Variants in RNF213 observed in about 807,000 individuals in gnomAD.
RNF213 encodes E3 ubiquitin-protein ligase RNF213.
Under a neutral mutation model 514.4 loss-of-function variants are expected in RNF213, and 341 were observed. That is an observed-to-expected ratio of 0.66 (90% CI 0.61 to 0.73). The LOEUF is 0.73. RNF213 is among the 30% of genes least tolerant of loss of function. The probability of loss-of-function intolerance (pLI) is 0.00; values close to 1 mark genes in which losing one functional copy is unlikely to be tolerated. For missense variants in RNF213, 5,767 were observed against 6,615.6 expected (o/e 0.87, Z 4.45); for synonymous variants, 2,655 against 2,658.2 (o/e 1.00, Z 0.04).
rs2045474979 is a variant in RNF213, at chr17:80,309,079, A to G, written c.2563A>G (p.Ile855Val). 3 of 1,614,196 alleles carry G rather than the reference A, an allele frequency of 1.9e-6. No individual in the cohort carries two copies. The highest frequency in any genetic ancestry group is 2.5e-6 in the Non-Finnish European group (3 of 1,180,030). ...LTVCLKLHEA[I>V]CSSTKLLKFY... ...TGTGTGTCTGAAACTGCATGAAGCC[A>G]TCTGCAGCAGCACAAAGCTACTTAA... The change falls in exon 14 of 68, where the codon ATC becomes GTC. Residue 855 changes from isoleucine to valine, a missense_variant. Ile to Val is a conservative substitution (Grantham distance 29). Around this residue, in one of 13 missense-constraint regions of RNF213, gnomAD observed 592 missense variants for 673.9 expected, o/e 0.88. Transcript: ENST00000582970.
intron 52 of RNF213, 41 bp downstream of exon 52, chr17:80,376,584 C>G: frequency 1.9e-6 from 3 of 1,612,542 alleles, no homozygotes; most frequent in Non-Finnish European, 2.5e-6. Context: ...CACTGGAACA[C>G]CCCCCAGAGC....
intron 8 of RNF213, among the ~76,000 whole-genome samples, chr17:80,294,037 G>C (rs2044844548): frequency 1.3e-5 from 2 of 152,200 alleles, no homozygotes; most frequent in South Asian, 4.1e-4. Context: ...TCCCATTTCT[G>C]CCTGATTTTT....
chr17:80,347,766 C>T lies in RNF213; in HGVS notation c.9431C>T (p.Pro3144Leu). ...CACCGCGTCAAATGTCGGGTTCACC[C>T]CAACTTCCGCCTGATTGTCATTGAA... ...GTHRVKCRVH[P>L]NFRLIVIEEK... is the part of the protein sequence containing the mutation. The change falls in exon 29 of 68, where the codon CCC becomes CTC. Residue 3144 changes from proline (P) to leucine (L), a missense_variant. Transcript: ENST00000582970. This position sits in a 1 kb window ranked among gnomAD's most constrained non-coding sequence, Gnocchi z 7.2. The T allele has an allele frequency of 6.2e-7, 1 of 1,614,182 alleles. No individual in the cohort carries two copies. Among genetic ancestry groups the T allele is most frequent in the Non-Finnish European group, 8.5e-7 (1 of 1,180,048 alleles).
intron 67 of RNF213, among the ~76,000 whole-genome samples, chr17:80,392,988 CTTTT>C (rs138848873): frequency 6.7e-6 from 1 of 148,532 alleles, no homozygotes; most frequent in Non-Finnish European, 1.5e-5. Flanking sequence ...ATATGGGAGC[CTTTT>C]TTTTTGAGAC....
chr17:80,358,548 C>T (rs565655016), intron 37 of RNF213, 69 bp downstream of exon 37: 1 of 1,422,672 alleles, frequency 7.0e-7, no homozygotes, highest in Admixed American at 1.7e-5. Context: ...AATATGCTCT[C>T]CCAAGTGCTG....
chr17:80,380,890 T>C lies in RNF213; in HGVS notation c.13700T>C (p.Val4567Ala). ...CTGGGCAACCCGCAGCGGAGAGACG[T>C]GGTGACATGTGACCGAGGGCTGCCC... Reference protein sequence around the residue: ...HVLGNPQRRDVVTCDRGLPPV... With the variant: ...HVLGNPQRRDAVTCDRGLPPV... Residue 4567 changes from valine (V) to alanine (A), a missense_variant, in exon 56 of 68, where the codon GTG becomes GCG. By Grantham distance (64) the Val-to-Ala change is moderately conservative (BLOSUM62 0). Transcript: ENST00000582970. The C allele has an allele frequency of 6.2e-7, 1 of 1,614,160 alleles. No individual in the cohort carries two copies. Among genetic ancestry groups the C allele is most frequent in the Non-Finnish European group, 8.5e-7 (1 of 1,180,030 alleles).
At chr17:80,388,952 C>T in intron 64 of RNF213, 4 of 622,066 alleles carry the variant, frequency 6.4e-6, no homozygotes, top group South Asian at 3.8e-5. Context: ...TCCATGGAAC[C>T]GATTTGTTCC....
intron 10 of RNF213, 82 bp downstream of exon 10, chr17:80,295,895 G>A: frequency 6.7e-7 from 1 of 1,497,132 alleles, no homozygotes. Flanking sequence ...CTTGACTAGA[G>A]TGACTGAAAG....
At chr17:80,369,030 T>G (rs948688918) in intron 44 of RNF213, among the ~76,000 whole-genome samples, 1 of 152,140 alleles carries the variant, frequency 6.6e-6, no homozygotes, top group Non-Finnish European at 1.5e-5. Flanking sequence ...AAGGGATGCA[T>G]GTAAATATCA....
rs2079341304 is a variant in RNF213 at position 80,367,819 on chromosome 17, C to T, written c.11943C>T (p.Cys3981=). 1.9e-6 allele frequency: 3 copies of T among 1,614,200 alleles called. No homozygotes were observed. Among genetic ancestry groups the T allele is most frequent in the Non-Finnish European group, 2.5e-6 (3 of 1,180,014 alleles). ...CCGTGATGCGCACTCTCTGTGAATG[C>T]AAGGAGACAGCCAGCAAGACCCTCA... ...FEAVMRTLCE[C]KETASKTLSR... The change falls in exon 43 of 68, where the codon TGC becomes TGT. Residue 3981 remains cysteine (C), a synonymous_variant. Coordinates refer to ENST00000582970, the MANE Select transcript of RNF213 (RefSeq NM_001256071.3).
At chr17:80,299,825 G>C (rs138216615) in intron 11 of RNF213, among the ~76,000 whole-genome samples, 20 of 152,010 alleles carry the variant, frequency 1.3e-4, no homozygotes, top group Non-Finnish European at 2.2e-4. Flanking sequence ...TTTGGTTCTC[G>C]TTCCTGAGTT....
intron 44 of RNF213, among the ~76,000 whole-genome samples, chr17:80,368,436 T>TG (rs1415862339): frequency 6.6e-6 from 1 of 150,524 alleles, no homozygotes; most frequent in African/African-American, 2.4e-5. Context: ...CGCCAGTGTT[T>TG]TTTTTTTTTT....
Position 80,263,496 on chromosome 17 carries a change from G to T in RNF213, c.-108-78G>T. On this transcript the variant is annotated intron_variant, in intron 1 of 67. Coordinates refer to ENST00000582970, the MANE Select transcript of RNF213 (RefSeq NM_001256071.3). This position sits in a 1 kb window ranked among gnomAD's most constrained non-coding sequence, Gnocchi z 4.9. ...AGGGGGCAGCACAGAGCGGGGAGGGGCTGGGCTTGGGCTGTGCTCCTGTTG... is the reference window on the plus strand; with the variant it reads ...AGGGGGCAGCACAGAGCGGGGAGGGTCTGGGCTTGGGCTGTGCTCCTGTTG... 1.6e-6 allele frequency: 1 copy of T among 635,720 alleles called. No homozygotes were observed. Among genetic ancestry groups the T allele is most frequent in the Non-Finnish European group, 2.9e-6 (1 of 345,896 alleles). 39.4% of individuals were successfully genotyped at this position (635,720 alleles called of 1,614,324 possible). A position where few individuals can be genotyped will look rare whatever the true frequency, so the allele number is the denominator to read the frequency against.
At position 80,344,011 on chromosome 17, in the gene RNF213, C is replaced by T. The variant is rs779022215; in HGVS notation, c.6338C>T (p.Ala2113Val). Reference protein sequence around the residue: ...RTSVPSRSSSALRTRVPQFSF... With the variant: ...RTSVPSRSSSVLRTRVPQFSF... ...TCAGTGCCGTCGAGGAGCTCTTCAG[C>T]GCTGGTCTGTACTGTGGGGCGTTTT... Residue 2113 changes from alanine (A) to valine (V), a missense_variant, in exon 28 of 68, where the codon GCG becomes GTG. Coordinates refer to ENST00000582970, the MANE Select transcript of RNF213 (RefSeq NM_001256071.3). 9.9e-6 allele frequency: 16 copies of T among 1,614,016 alleles called. No individual in the cohort carries two copies. The highest frequency in any genetic ancestry group is 1.3e-5 in the African/African-American group (1 of 74,906).
At chr17:80,350,472 G>A (rs1343819722) in intron 31 of RNF213, 76 bp downstream of exon 31, 2 of 884,306 alleles carry the variant, frequency 2.3e-6, no homozygotes, top group Non-Finnish European at 3.8e-6. Context: ...TTTTTTCCTT[G>A]AAGACAGTAT....
intron 30 of RNF213, 49 bp downstream of exon 30, chr17:80,349,955 C>CGTGT: frequency 6.2e-7 from 1 of 1,610,496 alleles, no homozygotes. Flanking sequence ...CAGCCGCAGC[C>CGTGT]GTGTGGCTTC....
At position 80,306,367 on chromosome 17, in the gene RNF213, A is replaced by G; in HGVS notation, c.2326A>G (p.Asn776Asp). 6.2e-7 allele frequency: 1 copy of G among 1,614,088 alleles called. No individual in the cohort carries two copies. Among genetic ancestry groups the G allele is most frequent in the Non-Finnish European group, 8.5e-7 (1 of 1,180,020 alleles). The part of the protein sequence containing the change: ...PLSHLVMYME[N>D]FIEHLGRFPA... ...GAGTCACCTGGTTATGTATATGGAA[A>G]ACTTCATTGAGCACCTGGGTCGTTT... is the stretch of plus-strand genomic sequence containing the variant. The change falls in exon 12 of 68, where the codon AAC becomes GAC. Residue 776 changes from asparagine to aspartate, a missense_variant. Coordinates refer to ENST00000582970, the MANE Select transcript of RNF213 (RefSeq NM_001256071.3).
chr17:80,273,379 C>T lies in RNF213; in HGVS notation c.236C>T (p.Ser79Phe). 4 of 1,613,092 alleles carry T rather than the reference C, an allele frequency of 2.5e-6. No individual in the cohort carries two copies. The highest frequency in any genetic ancestry group is 3.4e-6 in the Non-Finnish European group (4 of 1,179,974). Residue 79 changes from serine to phenylalanine, a missense_variant, in exon 3 of 68, where the codon TCC becomes TTC. Ser to Phe is a radical substitution (Grantham distance 155). This residue lies in a region of RNF213 where 509 missense variants were observed against 496.7 expected (regional missense o/e 1.02). Transcript: ENST00000582970. ...SWQENPEEPC[S>F]KASWTVQESK... ...CAAGAAAACCCCGAGGAGCCCTGTT[C>T]CAAAGCCTCCTGGACCGTCCAAGAA...
At chr17:80,313,275 C>A in intron 15 of RNF213, 108 bp downstream of exon 15, 1 of 1,386,350 alleles carries the variant, frequency 7.2e-7, no homozygotes, top group Non-Finnish European at 1.0e-6. Flanking sequence ...TGTTGGCCTT[C>A]ACCTGAGCCT....
Sources: allele counts gnomAD v4.1 joint callset (sites outside exome capture counted in the v4.1 genomes callset), GRCh38; gene constraint gnomAD v4.1.1; regional missense constraint gnomAD v4.1.1; non-coding constraint Gnocchi (gnomAD v3.1); transcripts MANE v1.5; gene names NCBI Gene and HGNC (gene_info 2026-07-23, HGNC 2026-07-21).